The following MON2 variants were observed in gnomAD, a reference collection of about 807,000 sequenced individuals.
MON2 encodes MON2 regulator of endosome-to-Golgi trafficking.
A neutral mutation model predicts 208.6 loss-of-function variants in MON2; 84 were observed. That is an observed-to-expected ratio of 0.40 (90% CI 0.34 to 0.48). The LOEUF (loss-of-function observed/expected upper bound fraction) is 0.48, where lower values mean the gene tolerates loss of function less well. MON2 is among the 20% of genes least tolerant of loss of function. MON2 has a pLI of 0.59. For synonymous variants in MON2, 660 were observed against 694.0 expected (o/e 0.95, Z 0.77); for missense variants, 1,611 against 2,015.4 (o/e 0.80, Z 3.84).
intron 34 of MON2, chr12:62,588,887 C>T: frequency 6.8e-7 from 1 of 1,476,440 alleles, no homozygotes; most frequent in Non-Finnish European, 9.1e-7. Flanking sequence ...TACCACCCTA[C>T]TTTTAAACCT....
chr12:62,533,822 T>C lies in MON2; in HGVS notation c.1634-1023T>C, dbSNP rs114623867. Among the ~76,000 whole-genome samples, 676 of 152,280 alleles carry C rather than the reference T, an allele frequency of 4.4e-3. 6 individuals are homozygous for C. The highest frequency in any genetic ancestry group is 0.015 in the African/African-American group (644 of 41,568). ...CGTCTCTGTACATTTCTAAAATGTCTGTTTCTCTATATTGAATTACCATGA... is the reference window on the plus strand; with the variant it reads ...CGTCTCTGTACATTTCTAAAATGTCCGTTTCTCTATATTGAATTACCATGA... On this transcript the variant is annotated intron_variant, in intron 12 of 34. Coordinates refer to ENST00000393630, the MANE Select transcript of MON2 (RefSeq NM_015026.3).
chr12:62,592,863 G>T lies in MON2; in HGVS notation c.*114G>T. On this transcript the variant is annotated 3_prime_UTR_variant, in exon 35 of 35. Transcript: ENST00000393630. ...CAGATAATTCTTGGCAGCTGTTGTT[G>T]GCCTCCTTTAAATTCTACTTACCTG... 8.9e-7 allele frequency: 1 copy of T among 1,119,920 alleles called. No individual in the cohort carries two copies. The highest frequency in any genetic ancestry group is 1.2e-6 in the Non-Finnish European group (1 of 804,964). The allele number at this position is 1,119,920 out of a possible 1,614,324, so 69.4% of individuals were successfully genotyped here. A position where few individuals can be genotyped will look rare whatever the true frequency, so the allele number is the denominator to read the frequency against.
chr12:62,572,183 CTAAT>C (rs2074617334), intron 30 of MON2, among the ~76,000 whole-genome samples: 1 of 152,174 alleles, frequency 6.6e-6, no homozygotes, highest in Non-Finnish European at 1.5e-5. Flanking sequence ...TTACAAATGA[CTAAT>C]TAAAACCAAA....
At chr12:62,481,834 C>T (rs2069461786) in intron 1 of MON2, among the ~76,000 whole-genome samples, 1 of 152,122 alleles carries the variant, frequency 6.6e-6, no homozygotes, top group Non-Finnish European at 1.5e-5. Flanking sequence ...CTGAAATAAA[C>T]TTTACTGATA....
chr12:62,565,140 A>G, intron 26 of MON2, 97 bp from the exon 27 acceptor site: 1 of 1,202,270 alleles, frequency 8.3e-7, no homozygotes, highest in Admixed American at 2.2e-5. Flanking sequence ...AAAATAAGAC[A>G]GTTTTTAAGA....
intron 1 of MON2, among the ~76,000 whole-genome samples, chr12:62,478,472 G>A (rs750622331): frequency 6.6e-6 from 1 of 152,110 alleles, no homozygotes; most frequent in Non-Finnish European, 1.5e-5. Flanking sequence ...AAATCAGAAG[G>A]ACCTGCACCA....
chr12:62,499,087 T>C (rs775689943), intron 5 of MON2, 39 bp downstream of exon 5: 2 of 1,596,600 alleles, frequency 1.3e-6, no homozygotes, highest in Non-Finnish European at 1.7e-6. Context: ...TGGGTGGTTC[T>C]TGGATGATTT....
chr12:62,550,140 C>T (rs954362359), intron 23 of MON2, among the ~76,000 whole-genome samples: 2 of 152,102 alleles, frequency 1.3e-5, no homozygotes, highest in African/African-American at 4.8e-5. Context: ...TACATTAGCC[C>T]CTGACAAGAA....
At chr12:62,580,477 A>G in intron 32 of MON2, 57 bp downstream of exon 32, 3 of 1,437,720 alleles carry the variant, frequency 2.1e-6, no homozygotes, top group Non-Finnish European at 2.9e-6. Flanking sequence ...AGAAACTGTC[A>G]GTAGAAATGT....
At chr12:62,588,303 T>A (rs1474385369) in intron 34 of MON2, 147 bp downstream of exon 34, 5 of 569,348 alleles carry the variant, frequency 8.8e-6, no homozygotes, top group Non-Finnish European at 1.5e-5. Context: ...AAGCATCAAG[T>A]CCATTAGGAT....
chr12:62,583,415 A>G (rs184374903), intron 32 of MON2, among the ~76,000 whole-genome samples: 5 of 152,248 alleles, frequency 3.3e-5, no homozygotes, highest in Non-Finnish European at 5.9e-5. Flanking sequence ...GAGAAGTAAA[A>G]TGAATCCAGG....
chr12:62,562,776 G>A (rs1465610314), intron 26 of MON2, among the ~76,000 whole-genome samples: 3 of 152,024 alleles, frequency 2.0e-5, no homozygotes, highest in Non-Finnish European at 2.9e-5. Context: ...CTGATATCAT[G>A]TTTTCTTTCT....
chr12:62,558,222 C>T (rs1160810172), intron 25 of MON2, among the ~76,000 whole-genome samples: 2 of 151,736 alleles, frequency 1.3e-5, no homozygotes, highest in African/African-American at 4.8e-5. Flanking sequence ...AGGTGATCTG[C>T]CTGCCTCAGC....
chr12:62,488,884 A>G (rs1168829639), intron 2 of MON2, among the ~76,000 whole-genome samples: 2 of 152,160 alleles, frequency 1.3e-5, no homozygotes, highest in African/African-American at 4.8e-5. Flanking sequence ...TAGCATTAGA[A>G]GAAATACCTA....
chr12:62,577,712 T>G (rs1156511908), intron 30 of MON2, among the ~76,000 whole-genome samples: 2 of 152,066 alleles, frequency 1.3e-5, no homozygotes, highest in African/African-American at 4.8e-5. Context: ...CTATGGGAGA[T>G]TAATACAAAT....
chr12:62,538,098 T>A lies in MON2; in HGVS notation c.2121T>A (p.His707Gln). Residue 707 changes from histidine (H) to glutamine (Q), a missense_variant and splice_region_variant, in exon 17 of 35, where the codon CAT becomes CAA. By Grantham distance (24) the His-to-Gln change is conservative. Transcript: ENST00000393630. Reference sequence around the variant, plus strand: ...TTGATTTTTTTTTAATTTTACAGCATCTTGTGTGGATTCTGGGATTAAAGC... The same window carrying A: ...TTGATTTTTTTTTAATTTTACAGCAACTTGTGTGGATTCTGGGATTAAAGC... ...SWQLVLATLQHLVWILGLKPS... is the reference protein window; with the variant it reads ...SWQLVLATLQQLVWILGLKPS... The A allele has an allele frequency of 6.2e-7, 1 of 1,612,074 alleles. No homozygotes were observed. The highest frequency in any genetic ancestry group is 8.5e-7 in the Non-Finnish European group (1 of 1,179,060).
chr12:62,509,466 A>T (rs994622186), intron 8 of MON2, among the ~76,000 whole-genome samples: 3 of 152,186 alleles, frequency 2.0e-5, no homozygotes, highest in African/African-American at 7.2e-5. Flanking sequence ...TCAATATTCT[A>T]CTTCCAATAA....
At chr12:62,541,051 A>G (rs192243667) in intron 19 of MON2, among the ~76,000 whole-genome samples, 95 of 152,312 alleles carry the variant, frequency 6.2e-4, no homozygotes, top group Non-Finnish European at 3.2e-4. Flanking sequence ...TCCTCGTTGC[A>G]GGAATTTGTG....
intron 5 of MON2, among the ~76,000 whole-genome samples, chr12:62,500,580 A>AT (rs1348315180): frequency 6.6e-6 from 1 of 152,114 alleles, no homozygotes; most frequent in Non-Finnish European, 1.5e-5. Context: ...GCAAAGAGTG[A>AT]TTTTTATGGT....
Sources: allele counts gnomAD v4.1 joint callset (sites outside exome capture counted in the v4.1 genomes callset), GRCh38; gene constraint gnomAD v4.1.1; transcripts MANE v1.5; gene names NCBI Gene and HGNC (gene_info 2026-07-23, HGNC 2026-07-21).